NKAIN2: variants seen among roughly 807,000 people sequenced by gnomAD.
NKAIN2 encodes the protein sodium/potassium transporting ATPase interacting 2, also known as sodium/potassium-transporting ATPase subunit beta-1-interacting protein 2.
A neutral mutation model predicts 32.6 loss-of-function variants in NKAIN2; 14 were observed. The ratio of observed to expected loss-of-function variants is 0.43; its 90% CI spans 0.28 to 0.67. The LOEUF is 0.67. Among genes scored for constraint, NKAIN2 ranks in the 30% least tolerant of loss-of-function variants. NKAIN2 has a pLI of 0.17. For missense variants in NKAIN2, 198 were observed against 258.3 expected (o/e 0.77, Z 1.60); for synonymous variants, 80 against 87.2 (o/e 0.92, Z 0.46).
At position 124,824,827 on chromosome 6, in the gene NKAIN2, T is replaced by A. The variant is rs1027809846; in HGVS notation, c.*1598T>A. ...TACTTTAGACCTTAGCCCATTCGGATCTACATACACCAGTTCCATTACTGT... is the reference window on the plus strand; with the variant it reads ...TACTTTAGACCTTAGCCCATTCGGAACTACATACACCAGTTCCATTACTGT... On this transcript the variant is annotated 3_prime_UTR_variant, in exon 7 of 7. Coordinates refer to ENST00000368417, the MANE Select transcript of NKAIN2 (RefSeq NM_001040214.3). 58 of 152,206 alleles carry A rather than the reference T, an allele frequency of 3.8e-4. No individual in the cohort carries two copies. The highest frequency in any genetic ancestry group is 1.2e-3 in the African/African-American group (51 of 41,454). The allele number at this position is 152,206 out of a possible 1,614,324, so 9.4% of individuals were successfully genotyped here. A position where few individuals can be genotyped will look rare whatever the true frequency, so the allele number is the denominator to read the frequency against.
At chr6:124,091,105 CAAAGT>C (rs1482747807) in intron 1 of NKAIN2, among the ~76,000 whole-genome samples, 3 of 151,718 alleles carry the variant, frequency 2.0e-5, no homozygotes, top group African/African-American at 4.8e-5. Flanking sequence ...AACCAAAACT[CAAAGT>C]AAAAAGGCTA....
intron 1 of NKAIN2, among the ~76,000 whole-genome samples, chr6:123,859,140 TCC>T (rs1307180060): frequency 6.6e-6 from 1 of 152,132 alleles, no homozygotes; most frequent in African/African-American, 2.4e-5. Flanking sequence ...CACAATTAGC[TCC>T]TTTTTTTGGA....
At chr6:124,808,494 G>A (rs1340542218) in intron 5 of NKAIN2, among the ~76,000 whole-genome samples, 3 of 152,106 alleles carry the variant, frequency 2.0e-5, no homozygotes, top group South Asian at 2.1e-4. Flanking sequence ...CAAAATAATA[G>A]GAGCTATCTA....
chr6:124,171,155 C>T (rs528388825), intron 1 of NKAIN2, among the ~76,000 whole-genome samples: 23 of 152,244 alleles, frequency 1.5e-4, no homozygotes, highest in African/African-American at 4.3e-4. Context: ...TTTCTATACC[C>T]TCATCCTTGT....
At position 124,403,194 on chromosome 6, in the gene NKAIN2, GTCTAAACA is replaced by G. The variant is rs543911035; in HGVS notation, c.273+47852_273+47859del. 7.2e-4 allele frequency among the ~76,000 whole-genome samples: 110 copies of G among 152,010 alleles called. 1 individual carries two copies. Among genetic ancestry groups the G allele is most frequent in the South Asian group, 4.4e-3 (21 of 4,812 alleles). ...TCAATTTTCTATTTTCCGTTTTATA[GTCTAAACA>G]TCTAGTTTCATATTTTATGCATATT... On this transcript the variant is annotated intron_variant, in intron 3 of 6. Coordinates refer to ENST00000368417, the MANE Select transcript of NKAIN2 (RefSeq NM_001040214.3).
intron 1 of NKAIN2, among the ~76,000 whole-genome samples, chr6:123,980,854 C>A (rs1778856122): frequency 6.6e-6 from 1 of 150,636 alleles, no homozygotes; most frequent in Non-Finnish European, 1.5e-5. Context: ...TGGGGGTGTT[C>A]TATGCTTTTT....
chr6:124,396,721 G>T (rs886742901), intron 3 of NKAIN2, among the ~76,000 whole-genome samples: 1 of 152,134 alleles, frequency 6.6e-6, no homozygotes, highest in Admixed American at 6.6e-5. Flanking sequence ...AGATATTGTT[G>T]AATTAGAATT....
intron 1 of NKAIN2, among the ~76,000 whole-genome samples, chr6:123,821,239 G>T (rs564511949): frequency 6.6e-6 from 1 of 152,266 alleles, no homozygotes; most frequent in South Asian, 2.1e-4. Flanking sequence ...TTTTCTTGTT[G>T]TTGAGAAATT....
rs964249454 is a variant in NKAIN2 at position 124,567,956 on chromosome 6, C to T, written c.274-90230C>T. 1.4e-4 allele frequency among the ~76,000 whole-genome samples: 21 copies of T among 152,120 alleles called. 1 individual carries two copies. Among genetic ancestry groups the T allele is most frequent in the Admixed American group, 1.3e-3 (20 of 15,270 alleles). On this transcript the variant is annotated intron_variant, in intron 3 of 6. Transcript: ENST00000368417. Reference sequence around the variant, plus strand: ...CTCTGCTTCAAGCTGTGGGTCTAATCGAGCTTGACTGTTAGATGCAGGTGA... The same window carrying T: ...CTCTGCTTCAAGCTGTGGGTCTAATTGAGCTTGACTGTTAGATGCAGGTGA...
In NKAIN2 at chr6:123,974,910, A is replaced by G. The variant is rs951773435; in HGVS notation, c.54+170656A>G. Among the ~76,000 whole-genome samples, 11 of 152,174 alleles carry G rather than the reference A, an allele frequency of 7.2e-5. 1 individual carries two copies. Among genetic ancestry groups the G allele is most frequent in the African/African-American group, 2.2e-4 (9 of 41,446 alleles). On this transcript the variant is annotated intron_variant, in intron 1 of 6. Coordinates refer to ENST00000368417, the MANE Select transcript of NKAIN2 (RefSeq NM_001040214.3). ...TCCTGCAGTAGGTGAGACATGATAA[A>G]GTATTTCCAACGCTTACAATAATGA...
intron 3 of NKAIN2, among the ~76,000 whole-genome samples, chr6:124,357,544 G>C (rs965321960): frequency 1.3e-5 from 2 of 151,922 alleles, no homozygotes; most frequent in African/African-American, 4.8e-5. Flanking sequence ...AAAGCAATTT[G>C]AATGTGTCTA....
chr6:124,724,136 T>G (rs1170314462), intron 4 of NKAIN2, among the ~76,000 whole-genome samples: 1 of 152,194 alleles, frequency 6.6e-6, no homozygotes, highest in Non-Finnish European at 1.5e-5. Flanking sequence ...TGGCTGCCGT[T>G]TGTTCCAGTT....
At chr6:124,765,744 C>A (rs1778486213) in intron 4 of NKAIN2, among the ~76,000 whole-genome samples, 1 of 152,180 alleles carries the variant, frequency 6.6e-6, no homozygotes, top group African/African-American at 2.4e-5. Flanking sequence ...CCCTGAATCT[C>A]TAAAAACTGA....
chr6:124,483,000 T>G (rs951431477), intron 3 of NKAIN2, among the ~76,000 whole-genome samples: 2 of 152,012 alleles, frequency 1.3e-5, no homozygotes, highest in Non-Finnish European at 2.9e-5. Context: ...TGGGCGCCTG[T>G]AGTCCCAGCT....
chr6:124,495,703 T>C (rs1778037211), intron 3 of NKAIN2, among the ~76,000 whole-genome samples: 1 of 152,160 alleles, frequency 6.6e-6, no homozygotes, highest in Admixed American at 6.6e-5. Context: ...CAAAGGATTC[T>C]AAGAGATGAC....
At chr6:123,813,872 C>CT (rs1773584270) in intron 1 of NKAIN2, among the ~76,000 whole-genome samples, 1 of 144,762 alleles carries the variant, frequency 6.9e-6, no homozygotes, top group African/African-American at 2.5e-5. Flanking sequence ...TTTTTTTCGT[C>CT]TTTTTTTCTG....
intron 1 of NKAIN2, among the ~76,000 whole-genome samples, chr6:123,845,787 T>A (rs1204272726): frequency 3.5e-4 from 53 of 152,228 alleles, no homozygotes. Context: ...ACCTTATATT[T>A]CTGATAGTTA....
At chr6:124,355,241 G>T (rs748485742) in intron 2 of NKAIN2, 26 bp from the exon 3 acceptor site, 1 of 1,460,854 alleles carries the variant, frequency 6.8e-7, no homozygotes. Flanking sequence ...TTAATTATAC[G>T]TTATTTCTCT....
chr6:123,988,209 T>G (rs897257620), intron 1 of NKAIN2, among the ~76,000 whole-genome samples: 1 of 152,244 alleles, frequency 6.6e-6, no homozygotes, highest in Non-Finnish European at 1.5e-5. Context: ...ATATGACTTT[T>G]GTGTCTGGGA....
Sources: allele counts gnomAD v4.1 joint callset (sites outside exome capture counted in the v4.1 genomes callset), GRCh38; gene constraint gnomAD v4.1.1; transcripts MANE v1.5; gene names NCBI Gene and HGNC (gene_info 2026-07-23, HGNC 2026-07-21).